Variants in ZBTB20 observed in about 807,000 individuals in gnomAD.
ZBTB20 encodes the protein zinc finger and BTB domain containing 20, also known as zinc finger and BTB domain-containing protein 20.
A neutral mutation model predicts 56.9 loss-of-function variants in ZBTB20; 9 were observed. The ratio of observed to expected loss-of-function variants is 0.16; its 90% CI spans 0.10 to 0.28. The LOEUF (loss-of-function observed/expected upper bound fraction) is 0.28. Among genes scored for constraint, ZBTB20 ranks in the 10% least tolerant of loss-of-function variants. The pLI is 1.00. For synonymous variants in ZBTB20, 417 were observed against 420.7 expected (o/e 0.99, Z 0.11); for missense variants, 655 against 1,003.0 (o/e 0.65, Z 4.69).
At chr3:114,619,071 C>G (rs2058135690) in intron 6 of ZBTB20, among the ~76,000 whole-genome samples, 3 of 152,114 alleles carry the variant, frequency 2.0e-5, no homozygotes. Flanking sequence ...GTTACAAATC[C>G]TGCCAGAATG....
chr3:114,570,833 G>A (rs2053343744), intron 6 of ZBTB20, among the ~76,000 whole-genome samples: 1 of 151,840 alleles, frequency 6.6e-6, no homozygotes, highest in Non-Finnish European at 1.5e-5. Flanking sequence ...ATTAAATTTG[G>A]GCTCTCAATC....
chr3:114,345,058 G>C (rs553794869), intron 11 of ZBTB20, among the ~76,000 whole-genome samples: 1 of 152,078 alleles, frequency 6.6e-6, no homozygotes, highest in Admixed American at 6.6e-5. Context: ...AAAAAACAAA[G>C]AAATTTAAAA....
intron 6 of ZBTB20, among the ~76,000 whole-genome samples, chr3:114,647,113 C>T (rs2059888733): frequency 6.6e-6 from 1 of 152,060 alleles, no homozygotes; most frequent in African/African-American, 2.4e-5. Flanking sequence ...CACCTGCCAC[C>T]ACGCCCAGCT....
intron 2 of ZBTB20, among the ~76,000 whole-genome samples, chr3:114,984,210 C>A (rs1031796480): frequency 6.6e-6 from 1 of 151,918 alleles, no homozygotes; most frequent in Non-Finnish European, 1.5e-5. Context: ...TTGAGCCTGG[C>A]CCATTCCCAG....
intron 2 of ZBTB20, among the ~76,000 whole-genome samples, chr3:114,991,237 G>C (rs1411114252): frequency 6.6e-6 from 1 of 151,962 alleles, no homozygotes; most frequent in African/African-American, 2.4e-5. Flanking sequence ...TCTCTTGTGG[G>C]CATTTGGTGC....
chr3:114,990,475 C>T (rs1216177198), intron 2 of ZBTB20, among the ~76,000 whole-genome samples: 1 of 152,102 alleles, frequency 6.6e-6, no homozygotes, highest in African/African-American at 2.4e-5. Context: ...GGTGGATAAG[C>T]TTTTTGATGT....
intron 6 of ZBTB20, among the ~76,000 whole-genome samples, chr3:114,520,758 G>A (rs2046550180): frequency 6.6e-6 from 1 of 152,016 alleles, no homozygotes; most frequent in Admixed American, 6.6e-5. Flanking sequence ...TGAATTACTA[G>A]ACAATTACAA....
At chr3:114,944,385 T>C (rs549014818) in intron 3 of ZBTB20, among the ~76,000 whole-genome samples, 2 of 145,726 alleles carry the variant, frequency 1.4e-5, no homozygotes, top group East Asian at 3.9e-4. Context: ...TTGGTAGGAA[T>C]GCAAATTGGG....
At chr3:114,383,413 A>G (rs2084639678) in intron 8 of ZBTB20, among the ~76,000 whole-genome samples, 1 of 152,178 alleles carries the variant, frequency 6.6e-6, no homozygotes, top group Non-Finnish European at 1.5e-5. Flanking sequence ...ATTGTTCTTC[A>G]TATCAATGCC....
At chr3:114,774,288 A>G (rs2069429056) in intron 5 of ZBTB20, among the ~76,000 whole-genome samples, 1 of 152,200 alleles carries the variant, frequency 6.6e-6, no homozygotes, top group South Asian at 2.1e-4. Context: ...AACAGGATAA[A>G]TGAAGTTAAT....
At chr3:114,921,764 A>G (rs952803718) in intron 3 of ZBTB20, among the ~76,000 whole-genome samples, 3 of 151,250 alleles carry the variant, frequency 2.0e-5, no homozygotes, top group African/African-American at 7.3e-5. Flanking sequence ...ACCTAATGTA[A>G]ATGATGAGTT....
chr3:114,464,549 CT>C (rs2092461617), intron 7 of ZBTB20, among the ~76,000 whole-genome samples: 1 of 152,158 alleles, frequency 6.6e-6, no homozygotes, highest in Non-Finnish European at 1.5e-5. Context: ...ATTTGCACAT[CT>C]TTAAACTTAG....
At chr3:114,808,401 A>G (rs548058341) in intron 4 of ZBTB20, among the ~76,000 whole-genome samples, 1 of 152,126 alleles carries the variant, frequency 6.6e-6, no homozygotes, top group East Asian at 1.9e-4. Flanking sequence ...GAGAGAAGGT[A>G]TCACCACCAA....
chr3:114,411,401 T>G (rs763641365), intron 7 of ZBTB20, among the ~76,000 whole-genome samples: 17 of 152,064 alleles, frequency 1.1e-4, no homozygotes, highest in Non-Finnish European at 2.1e-4. Context: ...CGGGTGGGAA[T>G]GGAGGATGGA....
At chr3:114,709,815 A>G (rs1398008232) in intron 5 of ZBTB20, among the ~76,000 whole-genome samples, 2 of 152,194 alleles carry the variant, frequency 1.3e-5, no homozygotes, top group African/African-American at 4.8e-5. Flanking sequence ...TAACTTCACA[A>G]ACATATACAC....
intron 6 of ZBTB20, among the ~76,000 whole-genome samples, chr3:114,682,214 C>A (rs1188648849): frequency 6.6e-6 from 1 of 151,642 alleles, no homozygotes; most frequent in Admixed American, 6.6e-5. Flanking sequence ...CAGTGTTTTA[C>A]CAAAAACAAA....
Position 114,790,047 on chromosome 3 carries a change from T to C in ZBTB20, c.-343+11054A>G, listed in dbSNP as rs543802841. 8.9e-4 allele frequency among the ~76,000 whole-genome samples: 136 copies of C among 152,116 alleles called. 1 individual carries two copies. The highest frequency in any genetic ancestry group is 3.5e-3 in the South Asian group (17 of 4,824). ...CACAGACATTTTCATTAACAAGAAC[T>C]AGTACCAACTACAGCTCAGGAAATA... On this transcript the variant is annotated intron_variant, in intron 5 of 11. Coordinates refer to ENST00000675478, the MANE Select transcript of ZBTB20 (RefSeq NM_001348800.3).
Position 114,350,756 on chromosome 3 carries a change from A to C in ZBTB20, c.1322T>G (p.Met441Arg), listed in dbSNP as rs754310386. 8.1e-6 allele frequency: 13 copies of C among 1,614,010 alleles called. No homozygotes were observed. Among genetic ancestry groups the C allele is most frequent in the Non-Finnish European group, 1.1e-5 (13 of 1,180,018 alleles). The change falls in exon 11 of 12, where the codon ATG (methionine) becomes AGG (arginine). Residue 441 changes from methionine (M) to arginine (R), a missense_variant. This residue lies in a region of ZBTB20 where 156 missense variants were observed against 181.0 expected (regional missense o/e 0.86). Coordinates refer to ENST00000675478, the MANE Select transcript of ZBTB20 (RefSeq NM_001348800.3). Reference sequence around the variant, plus strand: ...GCTGACAGTGATAACAGTGCTGTCCATCTCCACTTCATTGCTTCTCTCCGG... The same window carrying C: ...GCTGACAGTGATAACAGTGCTGTCCCTCTCCACTTCATTGCTTCTCTCCGG... The part of the protein sequence containing the change: ...SSPERSNEVE[M>R]DSTVITVSNS...
chr3:114,785,089 G>T (rs1034046052), intron 5 of ZBTB20, among the ~76,000 whole-genome samples: 16 of 152,134 alleles, frequency 1.1e-4, no homozygotes, highest in Admixed American at 9.2e-4. Context: ...AGAATAGTCT[G>T]ACCCCAAAAG....
Sources: gnomAD v4.1 joint callset for allele counts (sites outside exome capture counted in the v4.1 genomes callset) on GRCh38, gnomAD v4.1.1 for gene constraint, gnomAD v4.1.1 regional missense constraint, MANE v1.5 for transcripts, NCBI Gene and HGNC (gene_info 2026-07-23, HGNC 2026-07-21) for gene names.